MAPK10: variants seen among roughly 807,000 people sequenced by gnomAD.
MAPK10 encodes mitogen-activated protein kinase 10, also known as JNK3 alpha protein kinase.
A neutral mutation model predicts 59.3 loss-of-function variants in MAPK10; 25 were observed. That is an observed-to-expected ratio of 0.42 (90% CI 0.31 to 0.59). MAPK10 has a LOEUF of 0.59. Ranked by LOEUF, MAPK10 falls within the 20% of genes least tolerant of loss-of-function variation. The pLI is 0.15. For synonymous variants in MAPK10, 190 were observed against 200.5 expected, an observed-to-expected ratio of 0.95 and a Z score of 0.44; for missense variants, 351 against 568.9, an observed-to-expected ratio of 0.62 and a Z score of 3.90.
chr4:86,211,749 T>G (rs2085873386), intron 2 of MAPK10, among the ~76,000 whole-genome samples: 1 of 152,164 alleles, frequency 6.6e-6, no homozygotes, highest in African/African-American at 2.4e-5. Context: ...TGAGAAGAAC[T>G]GCTTGTTTTT....
intron 5 of MAPK10, among the ~76,000 whole-genome samples, chr4:86,103,941 A>T (rs182977537): frequency 3.9e-4 from 60 of 152,244 alleles, no homozygotes; most frequent in African/African-American, 1.4e-3. Context: ...GAGTACATAC[A>T]TCAATAACTC....
intron 11 of MAPK10, among the ~76,000 whole-genome samples, chr4:86,056,243 T>C (rs566164406): frequency 9.3e-5 from 14 of 150,338 alleles, no homozygotes; most frequent in East Asian, 3.9e-4. Context: ...AATAAAAGGA[T>C]TATAAAATAT....
chr4:86,332,744 G>T (rs368993282), intron 2 of MAPK10: 1 of 152,106 alleles, frequency 6.6e-6, no homozygotes, highest in East Asian at 1.9e-4. Flanking sequence ...AAAAGCCTAC[G>T]GTCAAAATTA....
intron 1 of MAPK10, among the ~76,000 whole-genome samples, chr4:86,379,804 C>T (rs1178764569): frequency 6.6e-6 from 1 of 152,196 alleles, no homozygotes; most frequent in East Asian, 1.9e-4. Context: ...TCGAGGCTCT[C>T]AGCTCTGAAG....
intron 2 of MAPK10, among the ~76,000 whole-genome samples, chr4:86,214,510 T>A (rs2086804426): frequency 1.0e-5 from 1 of 97,306 alleles, no homozygotes; most frequent in Non-Finnish European, 1.8e-5. Flanking sequence ...TTAAGATTCC[T>A]TAAAAAAAAA....
At chr4:86,018,003 G>T (rs868009706) in intron 13 of MAPK10, among the ~76,000 whole-genome samples, 1 of 152,192 alleles carries the variant, frequency 6.6e-6, no homozygotes, top group Non-Finnish European at 1.5e-5. Context: ...TTACAGGCGT[G>T]AGCCACCACG....
Position 86,354,533 on chromosome 4 carries a change from A to G in MAPK10, c.-10T>C. 8.2e-7 allele frequency: 1 copy of G among 1,220,912 alleles called. No homozygotes were observed. The highest frequency in any genetic ancestry group is 3.2e-5 in the East Asian group (1 of 31,626). The allele number at this position is 1,220,912 out of a possible 1,614,324, so 75.6% of individuals were successfully genotyped here. A position where few individuals can be genotyped will look rare whatever the true frequency, so the allele number is the denominator to read the frequency against. The stretch of plus-strand genomic sequence containing the variant: ...TATTTTTAAATTGGCAACTCACCAC[A>G]GCTTGTATGGTTTCTCATCTATAGG... On this transcript the variant is annotated 5_prime_UTR_variant, in exon 2 of 14. Coordinates refer to ENST00000641462, the MANE Select transcript of MAPK10 (RefSeq NM_138982.4).
At chr4:86,402,420 T>C (rs1743842393) in intron 1 of MAPK10, among the ~76,000 whole-genome samples, 1 of 152,196 alleles carries the variant, frequency 6.6e-6, no homozygotes. Flanking sequence ...TATCCTATAA[T>C]GCTATTTTAA....
At chr4:86,427,383 G>A (rs971222973) in intron 1 of MAPK10, among the ~76,000 whole-genome samples, 15 of 151,922 alleles carry the variant, frequency 9.9e-5, no homozygotes, top group African/African-American at 3.4e-4. Flanking sequence ...AACCAAAGAC[G>A]AGTCTAGTGG....
chr4:86,295,916 C>CT (rs2095350613), intron 2 of MAPK10, among the ~76,000 whole-genome samples: 1 of 151,452 alleles, frequency 6.6e-6, no homozygotes, highest in Non-Finnish European at 1.5e-5. Context: ...TGGCTCATGC[C>CT]TGTAATCCCA....
chr4:86,436,430 T>C (rs978306382), intron 1 of MAPK10, among the ~76,000 whole-genome samples: 3 of 152,200 alleles, frequency 2.0e-5, no homozygotes, highest in Admixed American at 1.3e-4. Context: ...AGTTAAGAGA[T>C]AGGAAAACTA....
upstream of MAPK10, among the ~76,000 whole-genome samples, chr4:86,363,452 C>T (rs750621879): frequency 2.0e-5 from 3 of 152,154 alleles, no homozygotes; most frequent in Admixed American, 2.0e-4. Flanking sequence ...TAATACCAAT[C>T]ATTTTCATCC....
intron 1 of MAPK10, among the ~76,000 whole-genome samples, chr4:86,534,689 T>G (rs1423761158): frequency 6.6e-6 from 1 of 152,094 alleles, no homozygotes; most frequent in African/African-American, 2.4e-5. Context: ...GCCCATCACC[T>G]GAGGTCAGGA....
At chr4:86,173,406 C>T (rs1223415968) in intron 3 of MAPK10, among the ~76,000 whole-genome samples, 2 of 152,106 alleles carry the variant, frequency 1.3e-5, no homozygotes, top group African/African-American at 4.8e-5. Flanking sequence ...GCTGGGAGAA[C>T]TCACTAGCCA....
chr4:86,393,859 A>G (rs141487720), intron 1 of MAPK10, among the ~76,000 whole-genome samples: 6 of 152,338 alleles, frequency 3.9e-5, no homozygotes, highest in Admixed American at 2.6e-4. Flanking sequence ...TGCATGTCTC[A>G]CTAAATCACA....
intron 2 of MAPK10, among the ~76,000 whole-genome samples, chr4:86,251,766 G>C (rs1334786616): frequency 3.7e-5 from 5 of 135,004 alleles, no homozygotes; most frequent in Non-Finnish European, 6.1e-5. Flanking sequence ...CTTCCACAAT[G>C]GTTGAACTAG....
chr4:86,285,587 G>C (rs974730358), intron 2 of MAPK10, among the ~76,000 whole-genome samples: 1 of 152,050 alleles, frequency 6.6e-6, no homozygotes, highest in Non-Finnish European at 1.5e-5. Context: ...TCTGAACAGA[G>C]CAATTATATG....
intron 9 of MAPK10, among the ~76,000 whole-genome samples, chr4:86,086,822 G>A (rs933515336): frequency 8.6e-5 from 13 of 151,946 alleles, no homozygotes; most frequent in African/African-American, 3.1e-4. Context: ...TACATTAAGA[G>A]GTTAATTATT....
chr4:86,209,927 C>T lies in MAPK10; in HGVS notation c.-6-15520G>A, dbSNP rs141256365. Among the ~76,000 whole-genome samples the T allele has an allele frequency of 4.1e-3, 627 of 152,112 alleles. 1 individual carries two copies. The highest frequency in any genetic ancestry group is 0.014 in the African/African-American group (584 of 41,536). ...TGTATGGTGCTGGCATAAAAATAGA[C>T]ACACAGACCAATGGAACAAAAGAGA... On this transcript the variant is annotated intron_variant, in intron 2 of 13. Coordinates refer to ENST00000641462, the MANE Select transcript of MAPK10 (RefSeq NM_138982.4).
Sources: gnomAD v4.1 joint callset for allele counts (sites outside exome capture counted in the v4.1 genomes callset) on GRCh38, gnomAD v4.1.1 for gene constraint, MANE v1.5 for transcripts, NCBI Gene and HGNC (gene_info 2026-07-23, HGNC 2026-07-21) for gene names.